The following HMGCLL1 variants were observed in gnomAD, a reference collection of about 807,000 sequenced individuals.
The protein encoded by HMGCLL1 is 3-hydroxymethyl-3-methylglutaryl-CoA lyase, cytoplasmic.
Under a neutral mutation model 39.1 loss-of-function variants are expected in HMGCLL1, and 36 were observed. That is an observed-to-expected ratio of 0.92 (90% CI 0.71 to 1.22). HMGCLL1 has a LOEUF of 1.22. Ranked by LOEUF, HMGCLL1 falls within the 50% of genes most tolerant of loss-of-function variation. The probability of loss-of-function intolerance (pLI) is 0.00; values close to 1 mark genes in which losing one functional copy is unlikely to be tolerated. For missense variants in HMGCLL1, 451 were observed against 416.5 expected (o/e 1.08, Z -0.72); for synonymous variants, 149 against 144.0 (o/e 1.03, Z -0.25).
the HMGCLL1 span, among the ~76,000 whole-genome samples, chr6:55,597,165 C>A: frequency 6.6e-6 from 1 of 151,932 alleles, no homozygotes; most frequent in Admixed American, 6.6e-5. Flanking sequence ...TAGAACTTAA[C>A]GTATGGAAGT....
intron 7 of HMGCLL1, among the ~76,000 whole-genome samples, chr6:55,447,214 C>T (rs988794712): frequency 6.4e-4 from 98 of 152,036 alleles, no homozygotes; most frequent in African/African-American, 2.2e-3. Flanking sequence ...ATATGAGCTA[C>T]TGTACCACCT....
At chr6:55,642,919 G>C in the HMGCLL1 span, among the ~76,000 whole-genome samples, 1 of 152,016 alleles carries the variant, frequency 6.6e-6, no homozygotes, top group Non-Finnish European at 1.5e-5. Context: ...GCATTAGTTT[G>C]CTAAGGATAA....
intron 7 of HMGCLL1, among the ~76,000 whole-genome samples, chr6:55,470,942 C>T (rs1017323870): frequency 6.6e-6 from 1 of 151,630 alleles, no homozygotes; most frequent in Non-Finnish European, 1.5e-5. Context: ...AAATCACCTC[C>T]TACCAGGTCC....
chr6:55,485,659 ATT>A lies in HMGCLL1; in HGVS notation c.795+9758_795+9759del, dbSNP rs763730405. ...AGACAAAGAACAAGAACAACAATTA[ATT>A]TAAAAAATACAAATAATCATTAAAC... On this transcript the variant is annotated intron_variant, in intron 7 of 8. Coordinates refer to ENST00000274901, the MANE Select transcript of HMGCLL1 (RefSeq NM_001042406.2). Among the ~76,000 whole-genome samples, 9 of 152,106 alleles carry A rather than the reference ATT, an allele frequency of 5.9e-5. No homozygotes were observed. The South Asian group carries it at 1.5e-3, about 25-fold the overall frequency.
intron 3 of HMGCLL1, among the ~76,000 whole-genome samples, chr6:55,520,711 A>G (rs1240048442): frequency 1.3e-5 from 2 of 152,058 alleles, no homozygotes; most frequent in African/African-American, 4.8e-5. Flanking sequence ...CTGTTTTGAC[A>G]TTTTAAGAAA....
chr6:55,592,947 C>G, the HMGCLL1 span, among the ~76,000 whole-genome samples: 1 of 152,104 alleles, frequency 6.6e-6, no homozygotes, highest in Non-Finnish European at 1.5e-5. Context: ...AGCTGTCTTG[C>G]TGAAATTACA....
At chr6:55,585,914 T>C in the HMGCLL1 span, among the ~76,000 whole-genome samples, 1 of 152,062 alleles carries the variant, frequency 6.6e-6, no homozygotes, top group Non-Finnish European at 1.5e-5. Context: ...ATAACTAAAA[T>C]AAAAGAATGC....
chr6:55,563,281 G>A (rs75559470), intron 1 of HMGCLL1, among the ~76,000 whole-genome samples: 11,890 of 151,950 alleles, frequency 0.078, 1,012 homozygotes, highest in African/African-American at 0.22. Context: ...GGGTGGCAAG[G>A]GGTGGGAGGA....
the HMGCLL1 span, among the ~76,000 whole-genome samples, chr6:55,586,954 C>G: frequency 6.6e-6 from 1 of 152,024 alleles, no homozygotes; most frequent in Non-Finnish European, 1.5e-5. Context: ...AGTTCTAGAT[C>G]CCTGAGGAAT....
intron 5 of HMGCLL1, among the ~76,000 whole-genome samples, chr6:55,509,018 T>G (rs1304860018): frequency 1.3e-5 from 2 of 151,892 alleles, no homozygotes; most frequent in African/African-American, 2.4e-5. Context: ...AAATATTAAC[T>G]GCTGCTGGGT....
At chr6:55,451,570 C>A (rs1561888107) in intron 7 of HMGCLL1, among the ~76,000 whole-genome samples, 2 of 119,684 alleles carry the variant, frequency 1.7e-5, no homozygotes, top group Non-Finnish European at 3.6e-5. Context: ...AAAACAAAAA[C>A]AAAAACAAAA....
At chr6:55,497,538 C>T (rs1200587083) in intron 6 of HMGCLL1, among the ~76,000 whole-genome samples, 2 of 152,036 alleles carry the variant, frequency 1.3e-5, no homozygotes, top group African/African-American at 2.4e-5. Flanking sequence ...CATGTTATTA[C>T]AGATCCTGAA....
the HMGCLL1 span, among the ~76,000 whole-genome samples, chr6:55,653,303 C>A: frequency 6.6e-6 from 1 of 151,964 alleles, no homozygotes; most frequent in Non-Finnish European, 1.5e-5. Context: ...AGGTCTTCAA[C>A]ACTCCAGGAC....
At chr6:55,490,618 C>A (rs1053072777) in intron 7 of HMGCLL1, among the ~76,000 whole-genome samples, 1 of 152,020 alleles carries the variant, frequency 6.6e-6, no homozygotes, top group African/African-American at 2.4e-5. Flanking sequence ...TAACCACTTT[C>A]ATTTTTAGCT....
intron 7 of HMGCLL1, among the ~76,000 whole-genome samples, chr6:55,490,341 C>T (rs1766246476): frequency 6.6e-6 from 1 of 151,982 alleles, no homozygotes; most frequent in Non-Finnish European, 1.5e-5. Context: ...CAATGATTTA[C>T]AAAACACAAC....
intron 1 of HMGCLL1, among the ~76,000 whole-genome samples, chr6:55,578,552 G>GT (rs1261033489): frequency 2.0e-5 from 3 of 152,092 alleles, no homozygotes; most frequent in Non-Finnish European, 4.4e-5. Context: ...GCCTCACATT[G>GT]TGACAAATTT....
At chr6:55,482,261 C>CT (rs1332209778) in intron 7 of HMGCLL1, among the ~76,000 whole-genome samples, 1 of 151,992 alleles carries the variant, frequency 6.6e-6, no homozygotes, top group African/African-American at 2.4e-5. Flanking sequence ...AGTTCTGTGT[C>CT]TTTTTTTAAA....
chr6:55,471,767 A>T (rs1240457787), intron 7 of HMGCLL1, among the ~76,000 whole-genome samples: 3 of 151,646 alleles, frequency 2.0e-5, no homozygotes, highest in Non-Finnish European at 3.0e-5. Flanking sequence ...AAATGTTCAC[A>T]AAGTTAAAAC....
intron 5 of HMGCLL1, chr6:55,513,462 TA>T (rs1476895520): frequency 6.6e-6 from 1 of 152,212 alleles, no homozygotes; most frequent in Non-Finnish European, 1.5e-5. Flanking sequence ...TTATCTTCTA[TA>T]AGCAATTTAT....
Sources: allele counts gnomAD v4.1 joint callset (sites outside exome capture counted in the v4.1 genomes callset), GRCh38; gene constraint gnomAD v4.1.1; transcripts MANE v1.5; gene names NCBI Gene and HGNC (gene_info 2026-07-23, HGNC 2026-07-21).